SLC26A5: variants seen among roughly 807,000 people sequenced by gnomAD.
The protein encoded by SLC26A5 is solute carrier family 26 member 5.
In SLC26A5, 51 loss-of-function variants were observed where a neutral mutation model predicts 81.0. That is an observed-to-expected ratio of 0.63 (90% CI 0.50 to 0.80). SLC26A5 has a LOEUF of 0.80. SLC26A5 is among the 30% of genes least tolerant of loss of function. SLC26A5 has a pLI of 0.00. For missense variants in SLC26A5, 771 were observed against 905.8 expected (o/e 0.85, Z 1.91); for synonymous variants, 325 against 332.8 (o/e 0.98, Z 0.25).
exon 20 of SLC26A5, chr7:103,352,896 T>G (rs766888184): frequency 5.1e-6 from 4 of 780,798 alleles, no homozygotes; most frequent in Non-Finnish European, 9.6e-6. Context: ...TCCCCTACGG[T>G]CTCCATCTTC....
chr7:103,353,359 T>G (rs920591721), intron 19 of SLC26A5, among the ~76,000 whole-genome samples: 1 of 152,148 alleles, frequency 6.6e-6, no homozygotes, highest in African/African-American at 2.4e-5. Context: ...CAGGCTGGAG[T>G]GCGGTGATGT....
In SLC26A5 at chr7:103,367,748, A is replaced by C. The variant is rs1488929985; in HGVS notation, c.2041+9060T>G. 1.2e-6 allele frequency: 2 copies of C among 1,613,958 alleles called. No individual in the cohort carries two copies. On this transcript the variant is annotated intron_variant, in intron 19 of 19. Coordinates refer to the SLC26A5 transcript ENST00000339444. This position sits in a 1 kb window ranked among gnomAD's most constrained non-coding sequence, Gnocchi z 6.1. ...ACATATTTAAGATTCACGCTCGTTCAATGAGTGTTGAAAGAGATATCAGAT... is the reference window on the plus strand; with the variant it reads ...ACATATTTAAGATTCACGCTCGTTCCATGAGTGTTGAAAGAGATATCAGAT...
At chr7:103,360,331 GT>G (rs537406563) in intron 19 of SLC26A5, among the ~76,000 whole-genome samples, 409 of 152,126 alleles carry the variant, frequency 2.7e-3, no homozygotes, top group Admixed American at 7.1e-3. Flanking sequence ...TGTTGTTCTT[GT>G]TTTTCCTTTC....
At chr7:103,401,123 T>C (rs1004923644) in intron 8 of SLC26A5, among the ~76,000 whole-genome samples, 8 of 152,238 alleles carry the variant, frequency 5.3e-5, no homozygotes, top group Non-Finnish European at 1.2e-4. Flanking sequence ...TTGATGGGGA[T>C]AGCATTGAAT....
At chr7:103,421,969 G>A (rs150452235) in intron 2 of SLC26A5, among the ~76,000 whole-genome samples, 9 of 152,278 alleles carry the variant, frequency 5.9e-5, no homozygotes, top group African/African-American at 1.4e-4. Context: ...AGCTATATTA[G>A]CCTCATTTCC....
At chr7:103,411,695 A>T (rs1228904899) in intron 5 of SLC26A5, 109 bp from the exon 6 acceptor site, 4 of 1,207,212 alleles carry the variant, frequency 3.3e-6, no homozygotes, top group Non-Finnish European at 4.9e-6. Context: ...TGCTTGAAGG[A>T]AGGCTACGCT....
intron 2 of SLC26A5, among the ~76,000 whole-genome samples, chr7:103,442,695 A>C (rs1346438920): frequency 6.6e-6 from 1 of 152,216 alleles, no homozygotes. Flanking sequence ...GGTCCAAAGA[A>C]TTTAACTAAC....
At position 103,385,007 on chromosome 7, in the gene SLC26A5, T is replaced by C. The variant is rs556643532; in HGVS notation, c.1514+4001A>G. On this transcript the variant is annotated intron_variant, in intron 14 of 19. Coordinates refer to ENST00000306312, the MANE Select transcript of SLC26A5 (RefSeq NM_198999.3). ...GGAAATATAATAGGCCCTCAACAAA[T>C]ACCTATTTAGAGAAATTATAATTTT... 1.2e-4 allele frequency among the ~76,000 whole-genome samples: 18 copies of C among 152,268 alleles called. No homozygotes were observed. The East Asian group carries it at 3.5e-3, about 29-fold the overall frequency.
At chr7:103,374,146 A>C, downstream of SLC26A5, 1 of 1,237,644 alleles carries the variant, frequency 8.1e-7, no homozygotes, top group Non-Finnish European at 1.0e-6. Flanking sequence ...CTTAGCTTAC[A>C]AAGATAATAC....
intron 2 of SLC26A5, among the ~76,000 whole-genome samples, chr7:103,439,533 T>TTGTG (rs1250701752): frequency 2.1e-5 from 3 of 139,858 alleles, no homozygotes; most frequent in Non-Finnish European, 4.5e-5. Context: ...TTGTTGTTGT[T>TTGTG]TGTTTGTTTG....
At chr7:103,412,175 C>T (rs953578374) in intron 5 of SLC26A5, among the ~76,000 whole-genome samples, 1 of 152,170 alleles carries the variant, frequency 6.6e-6, no homozygotes, top group Non-Finnish European at 1.5e-5. Flanking sequence ...TGTTGTAAAG[C>T]TGCTACATTT....
At chr7:103,360,849 C>G (rs554158541) in intron 19 of SLC26A5, among the ~76,000 whole-genome samples, 2 of 152,174 alleles carry the variant, frequency 1.3e-5, no homozygotes, top group African/African-American at 4.8e-5. Flanking sequence ...CAATGGCTCA[C>G]GCCTGTAATC....
rs151293448 is a variant in SLC26A5 at position 103,435,477 on chromosome 7, T to C, written c.-54+7606A>G. On this transcript the variant is annotated intron_variant, in intron 2 of 19. Coordinates refer to ENST00000306312, the MANE Select transcript of SLC26A5 (RefSeq NM_198999.3). ...GGATAGGACTCTTCCCTGAACGAAATGAACATTAACAGCCTTTGTGTACCG... is the reference window on the plus strand; with the variant it reads ...GGATAGGACTCTTCCCTGAACGAAACGAACATTAACAGCCTTTGTGTACCG... Among the ~76,000 whole-genome samples the C allele has an allele frequency of 5.7e-3, 862 of 152,328 alleles. 10 individuals are homozygous for C. Among genetic ancestry groups the C allele is most frequent in the African/African-American group, 0.017 (691 of 41,566 alleles).
intron 8 of SLC26A5, among the ~76,000 whole-genome samples, chr7:103,401,477 T>G: frequency 6.6e-6 from 1 of 152,172 alleles, no homozygotes; most frequent in Non-Finnish European, 1.5e-5. Flanking sequence ...TACGAAGGGT[T>G]TTTCTAAATA....
intron 19 of SLC26A5, among the ~76,000 whole-genome samples, chr7:103,365,333 TAAA>T (rs34723912): frequency 1.4e-4 from 21 of 152,146 alleles, no homozygotes; most frequent in African/African-American, 5.1e-4. Flanking sequence ...CAGTCTTTTT[TAAA>T]AAAAGTTTAG....
chr7:103,415,941 T>G (rs890830598), intron 4 of SLC26A5, among the ~76,000 whole-genome samples: 2 of 152,204 alleles, frequency 1.3e-5, no homozygotes, highest in Non-Finnish European at 2.9e-5. Flanking sequence ...TCAGGCTTGA[T>G]CCTCTGGTGT....
intron 2 of SLC26A5, among the ~76,000 whole-genome samples, chr7:103,426,974 C>A (rs947839719): frequency 6.6e-6 from 1 of 152,134 alleles, no homozygotes; most frequent in Admixed American, 6.5e-5. Flanking sequence ...ACACAAAATA[C>A]TAATGACAGC....
chr7:103,377,275 C>T (rs1023387338), intron 18 of SLC26A5, among the ~76,000 whole-genome samples: 7 of 152,062 alleles, frequency 4.6e-5, no homozygotes, highest in Admixed American at 4.6e-4. Flanking sequence ...TTTTCTAAAA[C>T]GAATCTTCTT....
intron 2 of SLC26A5, among the ~76,000 whole-genome samples, chr7:103,430,515 C>A: frequency 6.7e-6 from 1 of 149,432 alleles, no homozygotes; most frequent in East Asian, 2.0e-4. Flanking sequence ...CCTGGTTCTG[C>A]CACCATGGTG....
Sources: allele counts gnomAD v4.1 joint callset (sites outside exome capture counted in the v4.1 genomes callset), GRCh38; gene constraint gnomAD v4.1.1; non-coding constraint Gnocchi (gnomAD v3.1); transcripts MANE v1.5; gene names NCBI Gene and HGNC (gene_info 2026-07-23, HGNC 2026-07-21).